The following EXOC6 variants were observed in gnomAD, a reference collection of about 807,000 sequenced individuals.
EXOC6 encodes exocyst complex component 6.
A neutral mutation model predicts 112.5 loss-of-function variants in EXOC6; 60 were observed. The observed-to-expected ratio is 0.53, with a 90% CI of 0.43 to 0.66. The LOEUF (loss-of-function observed/expected upper bound fraction) is 0.66, where lower values mean the gene tolerates loss of function less well. Ranked by LOEUF, EXOC6 falls within the 30% of genes least tolerant of loss-of-function variation. EXOC6 has a pLI of 0.00. For synonymous variants in EXOC6, 295 were observed against 308.0 expected (o/e 0.96, Z 0.44); for missense variants, 855 against 957.1 (o/e 0.89, Z 1.41).
chr10:93,047,554 CAA>C (rs1846054321), intron 20 of EXOC6, among the ~76,000 whole-genome samples: 2 of 151,210 alleles, frequency 1.3e-5, no homozygotes, highest in Admixed American at 6.6e-5. Flanking sequence ...CAAAACAAAA[CAA>C]AACAAAAAGA....
intron 20 of EXOC6, among the ~76,000 whole-genome samples, chr10:93,022,420 G>A (rs999775698): frequency 3.3e-5 from 5 of 152,086 alleles, no homozygotes; most frequent in Non-Finnish European, 7.4e-5. Context: ...AGAAAATTTT[G>A]GGTGAGTTAT....
intron 14 of EXOC6, among the ~76,000 whole-genome samples, 185 bp downstream of exon 14, chr10:92,948,564 T>C (rs11187223): frequency 7.9e-5 from 10 of 125,788 alleles, no homozygotes; most frequent in Non-Finnish European, 1.0e-4. Flanking sequence ...TTACTACTAC[T>C]ACTACTACCA....
At chr10:92,917,890 G>T (rs565348815) in intron 7 of EXOC6, among the ~76,000 whole-genome samples, 63 of 152,312 alleles carry the variant, frequency 4.1e-4, no homozygotes, top group South Asian at 8.3e-4. Context: ...CGTGGCTCAT[G>T]CCTGTGATGC....
intron 18 of EXOC6, among the ~76,000 whole-genome samples, chr10:92,982,016 T>G (rs1182679442): frequency 6.6e-6 from 1 of 152,112 alleles, no homozygotes; most frequent in South Asian, 2.1e-4. Context: ...CTCAGGAGGC[T>G]GAGGCAGGAG....
intron 18 of EXOC6, among the ~76,000 whole-genome samples, chr10:92,996,683 T>G (rs1024170650): frequency 3.3e-5 from 5 of 152,180 alleles, no homozygotes; most frequent in African/African-American, 1.2e-4. Context: ...GGCTAAACAT[T>G]TAAAAAGGCC....
At chr10:92,985,672 C>G (rs375916419) in intron 18 of EXOC6, among the ~76,000 whole-genome samples, 1 of 152,198 alleles carries the variant, frequency 6.6e-6, no homozygotes, top group South Asian at 2.1e-4. Context: ...ACGTTTCAAT[C>G]CAAATGTTGA....
intron 17 of EXOC6, among the ~76,000 whole-genome samples, chr10:92,970,550 C>T (rs545238805): frequency 3.7e-4 from 56 of 152,322 alleles, no homozygotes; most frequent in African/African-American, 1.3e-3. Context: ...CATCTTGCTA[C>T]TACCATATTT....
At chr10:92,959,404 G>A (rs1215445207) in intron 17 of EXOC6, among the ~76,000 whole-genome samples, 1 of 152,124 alleles carries the variant, frequency 6.6e-6, no homozygotes, top group Admixed American at 6.5e-5. Context: ...ACCCCTAGAA[G>A]ATAACATAGG....
rs187381081 is a variant in EXOC6 at position 92,897,586 on chromosome 10, A to G, written c.413-2013A>G. ...ATAAGAAGCTACATACTCCCTCACA[A>G]TTTGCCCACTGGAAATTCCTTATGG... On this transcript the variant is annotated intron_variant, in intron 4 of 21. Coordinates refer to ENST00000260762, the MANE Select transcript of EXOC6 (RefSeq NM_019053.6). 3.3e-3 allele frequency among the ~76,000 whole-genome samples: 499 copies of G among 152,298 alleles called. 4 individuals are homozygous for G. Among genetic ancestry groups the G allele is most frequent in the African/African-American group, 0.011 (461 of 41,558 alleles).
At chr10:92,836,221 C>T (rs1453817368) in intron 1 of EXOC6, among the ~76,000 whole-genome samples, 1 of 152,238 alleles carries the variant, frequency 6.6e-6, no homozygotes, top group Non-Finnish European at 1.5e-5. Context: ...GGTCTCACAA[C>T]ACTGGCCAAC....
chr10:92,946,309 G>A (rs1022031980), intron 13 of EXOC6, among the ~76,000 whole-genome samples: 7 of 151,452 alleles, frequency 4.6e-5, no homozygotes, highest in African/African-American at 1.5e-4. Flanking sequence ...AAAAAGAATC[G>A]CTTGAACCCG....
At chr10:92,865,515 CGACAGAGGGA>C (rs1848131228) in intron 1 of EXOC6, among the ~76,000 whole-genome samples, 1 of 152,038 alleles carries the variant, frequency 6.6e-6, no homozygotes, top group African/African-American at 2.4e-5. Flanking sequence ...CCAGCCTGGG[CGACAGAGGGA>C]GACGCCTCCC....
intron 17 of EXOC6, among the ~76,000 whole-genome samples, chr10:92,959,489 T>C (rs1853869274): frequency 6.6e-6 from 1 of 152,118 alleles, no homozygotes; most frequent in African/African-American, 2.4e-5. Flanking sequence ...GAAAAATCCA[T>C]GATAGAAATA....
chr10:92,853,317 T>C (rs1166480372), intron 1 of EXOC6, among the ~76,000 whole-genome samples: 1 of 152,216 alleles, frequency 6.6e-6, no homozygotes, highest in Admixed American at 6.5e-5. Context: ...ATGTCAGTTT[T>C]CTCCAACTTA....
At chr10:92,826,854 G>A (rs935980218) in exon 1 of EXOC6, among the ~76,000 whole-genome samples, 1 of 152,184 alleles carries the variant, frequency 6.6e-6, no homozygotes, top group Non-Finnish European at 1.5e-5. Flanking sequence ...AGAAAGAGGG[G>A]AGAGCAGGAG....
At chr10:92,862,461 A>C (rs923541706) in intron 1 of EXOC6, among the ~76,000 whole-genome samples, 9 of 152,068 alleles carry the variant, frequency 5.9e-5, no homozygotes, top group African/African-American at 1.9e-4. Flanking sequence ...CTTATGAGAG[A>C]GAGAGAGAGA....
chr10:92,895,536 G>A (rs891590598), intron 4 of EXOC6, among the ~76,000 whole-genome samples: 5 of 152,212 alleles, frequency 3.3e-5, no homozygotes, highest in South Asian at 2.1e-4. Context: ...TGGAAACGCT[G>A]TTTCTGGTCT....
intron 20 of EXOC6, among the ~76,000 whole-genome samples, chr10:93,038,168 G>T (rs1845603486): frequency 6.7e-6 from 1 of 148,738 alleles, no homozygotes; most frequent in Non-Finnish European, 1.5e-5. Context: ...ATATTTAAAT[G>T]CTTTGTTAGA....
chr10:92,964,158 A>G (rs1356640433), intron 17 of EXOC6, among the ~76,000 whole-genome samples: 1 of 151,904 alleles, frequency 6.6e-6, no homozygotes, highest in Non-Finnish European at 1.5e-5. Context: ...AAAGAAAATA[A>G]TAAAACAAGA....
Sources: gnomAD v4.1 joint callset for allele counts (sites outside exome capture counted in the v4.1 genomes callset) on GRCh38, gnomAD v4.1.1 for gene constraint, MANE v1.5 for transcripts, NCBI Gene and HGNC (gene_info 2026-07-23, HGNC 2026-07-21) for gene names.